The following GPR108 variants were observed in gnomAD, a reference collection of about 807,000 sequenced individuals.
GPR108 encodes the protein G protein-coupled receptor 108, also known as protein GPR108.
Under a neutral mutation model 74.3 loss-of-function variants are expected in GPR108, and 60 were observed. That is an observed-to-expected ratio of 0.81 (90% confidence interval 0.66 to 1.00). The LOEUF (loss-of-function observed/expected upper bound fraction) is 1.00. Ranked by LOEUF, GPR108 falls within the 50% of genes least tolerant of loss-of-function variation. The pLI, the probability that GPR108 is intolerant of heterozygous loss-of-function variation, is 0.00. For synonymous variants in GPR108, 311 were observed against 292.4 expected (o/e 1.06, Z -0.65); for missense variants, 667 against 703.3 (o/e 0.95, Z 0.58).
chr19:6,736,103 A>T, intron 2 of GPR108, 145 bp from the exon 3 acceptor site: 1 of 732,728 alleles, frequency 1.4e-6, no homozygotes, highest in Non-Finnish European at 2.2e-6. Context: ...TCTTTTTTAG[A>T]GTTGGGGTGG....
intron 10 of GPR108, 111 bp downstream of exon 10, chr19:6,732,876 G>C: frequency 2.1e-6 from 2 of 936,332 alleles, no homozygotes; most frequent in Non-Finnish European, 3.3e-6. Context: ...TGGACACGTG[G>C]ATAGCTGGCG....
intron 4 of GPR108, 35 bp from the exon 5 acceptor site, chr19:6,734,342 G>A (rs188406194): frequency 2.5e-6 from 4 of 1,602,952 alleles, no homozygotes; most frequent in African/African-American, 1.3e-5. Flanking sequence ...TGAGGCTGGG[G>A]GGCTGAACTT....
In GPR108 at chr19:6,734,193, C is replaced by T. The variant is rs1216500719; in HGVS notation, c.489G>A (p.Lys163=). Residue 163 remains lysine (K), a synonymous_variant, in exon 5 of 18, where the codon AAG becomes AAA. Coordinates refer to ENST00000264080, the MANE Select transcript of GPR108 (RefSeq NM_001080452.2). ...LPKPQATVPR[K]VDGGGTSAAS... Reference sequence around the variant, plus strand: ...GCCAGCCTGACTCACCGCCATCCACCTTGCGGGGGACTGTGGCCTGTGGCT... The same window carrying T: ...GCCAGCCTGACTCACCGCCATCCACTTTGCGGGGGACTGTGGCCTGTGGCT... The T allele has an allele frequency of 6.2e-7, 1 of 1,614,236 alleles. No individual in the cohort carries two copies. The highest frequency in any genetic ancestry group is 8.5e-7 in the Non-Finnish European group (1 of 1,180,042).
intron 1 of GPR108, 36 bp downstream of exon 1, chr19:6,737,421 G>A (rs1434486062): frequency 6.4e-7 from 1 of 1,570,800 alleles, no homozygotes. Context: ...ACAAAGTTGC[G>A]CCACCGACCC....
chr19:6,731,686 T>A (rs1419748811), intron 14 of GPR108, among the ~76,000 whole-genome samples, 164 bp from the exon 15 acceptor site: 1 of 147,456 alleles, frequency 6.8e-6, no homozygotes, highest in East Asian at 2.0e-4. Context: ...AAGGGGGAGA[T>A]CAGAGAGGAG....
chr19:6,734,704 G>A (rs1420375734), intron 4 of GPR108, among the ~76,000 whole-genome samples: 3 of 152,028 alleles, frequency 2.0e-5, no homozygotes, highest in African/African-American at 4.8e-5. Context: ...ATCATGCTTG[G>A]CTAATTTTTA....
intron 14 of GPR108, among the ~76,000 whole-genome samples, 156 bp downstream of exon 14, chr19:6,731,735 G>C (rs143266929): frequency 7.9e-5 from 12 of 151,834 alleles, no homozygotes; most frequent in Admixed American, 7.2e-4. Context: ...CCAGATAAAG[G>C]CATTCGGGGG....
In GPR108 at chr19:6,735,703, G is replaced by C. The variant is rs1968605697; in HGVS notation, c.293C>G (p.Thr98Ser). Residue 98 changes from threonine to serine, a missense_variant and splice_region_variant, in exon 4 of 18, where the codon ACC (threonine) becomes AGC (serine). Physicochemically the swap from Thr to Ser is moderately conservative, Grantham distance 58. Coordinates refer to ENST00000264080, the MANE Select transcript of GPR108 (RefSeq NM_001080452.2). ...GAGAGGGCAGTCCTGGAAATCCCGG[G>C]TCTGGGGGGTGGGCAGGAGGGAGTG... ...VRSGRVRSYS[T>S]RDFQDCPLQK... The C allele has an allele frequency of 6.2e-7, 1 of 1,613,848 alleles. No individual in the cohort carries two copies. The highest frequency in any genetic ancestry group is 1.1e-5 in the South Asian group (1 of 91,082).
chr19:6,733,519 A>G (rs1380447575), intron 8 of GPR108, 51 bp downstream of exon 8: 1 of 1,551,838 alleles, frequency 6.4e-7, no homozygotes, highest in South Asian at 1.1e-5. Context: ...CTGGGCCCGC[A>G]GTGGCCTGCA....
intron 17 of GPR108, 78 bp downstream of exon 17, chr19:6,730,908 TG>T: frequency 1.6e-4 from 43 of 261,798 alleles, no homozygotes; most frequent in South Asian, 6.0e-4. Flanking sequence ...CCCTCCCCCC[TG>T]CCCACCCTGC....
Position 6,736,712 on chromosome 19 carries a change from C to G in GPR108, c.121-1G>C. 1 of 1,614,100 alleles carries G rather than the reference C, an allele frequency of 6.2e-7. No individual in the cohort carries two copies. Among genetic ancestry groups the G allele is most frequent in the Middle Eastern group, 1.7e-4 (1 of 6,060 alleles). On this transcript the variant is annotated splice_acceptor_variant, in intron 1 of 17. Transcript: ENST00000264080. LOFTEE classifies it high-confidence loss of function. ...GCTGGATGTCCGCTCGCTTCTCCCC[C>G]TGCCGGAGACCAAGGAGGCAGAGGC...
chr19:6,737,085 G>T, intron 1 of GPR108: 1 of 382,378 alleles, frequency 2.6e-6, no homozygotes, highest in Admixed American at 4.2e-5. Context: ...CCCATTAAGT[G>T]CCCAGAGGAC....
intron 1 of GPR108, 167 bp downstream of exon 1, chr19:6,737,290 C>G (rs765953484): frequency 1.1e-6 from 1 of 890,492 alleles, no homozygotes; most frequent in African/African-American, 1.8e-5. Flanking sequence ...TCCGGAGGAC[C>G]GAAGGGGATC....
intron 1 of GPR108, chr19:6,737,158 G>A: frequency 2.3e-6 from 1 of 428,546 alleles, no homozygotes; most frequent in South Asian, 3.0e-5. Flanking sequence ...CCCCAAAAGT[G>A]ATTCCAAGAA....
At position 6,731,952 on chromosome 19, in the gene GPR108, C is replaced by T; in HGVS notation, c.1257-18G>A. ...GGATGGACCTGGGACAAGTGGAGGA[C>T]ACAGGGTACGGTCAGCGCGGACATC... On this transcript the variant is annotated intron_variant, in intron 13 of 17. Transcript: ENST00000264080. The T allele has an allele frequency of 6.2e-7, 1 of 1,613,204 alleles. No homozygotes were observed. Among genetic ancestry groups the T allele is most frequent in the Non-Finnish European group, 8.5e-7 (1 of 1,179,852 alleles).
intron 2 of GPR108, 114 bp downstream of exon 2, chr19:6,736,478 C>A (rs1968639148): frequency 8.2e-6 from 9 of 1,091,556 alleles, no homozygotes; most frequent in African/African-American, 1.6e-5. Context: ...ACGAAACAGG[C>A]TCAGAGAGAT....
In GPR108 at chr19:6,733,242, G is replaced by A. The variant is rs1431683217; in HGVS notation, c.783C>T (p.Phe261=). The change falls in exon 9 of 18, where the codon TTC becomes TTT. Residue 261 remains phenylalanine, a synonymous_variant. Coordinates refer to ENST00000264080, the MANE Select transcript of GPR108 (RefSeq NM_001080452.2). ...GFLSAAEMPL[F]KLYMVMSACF... ...AGGCGGACATGACCATGTAGAGCTT[G>A]AAAAGGGGCATCTCCGCTGCCGACA... 2 of 1,613,982 alleles carry A rather than the reference G, an allele frequency of 1.2e-6. No homozygotes were observed. The highest frequency in any genetic ancestry group is 2.7e-5 in the African/African-American group (2 of 75,064).
chr19:6,735,000 C>T (rs968622307), intron 4 of GPR108, among the ~76,000 whole-genome samples: 1 of 152,010 alleles, frequency 6.6e-6, no homozygotes, highest in African/African-American at 2.4e-5. Flanking sequence ...CTCACCTCAG[C>T]TTCCAGAGTA....
Position 6,732,347 on chromosome 19 carries a change from G to A in GPR108, c.1041C>T (p.Ala347=). The A allele has an allele frequency of 6.2e-7, 1 of 1,613,548 alleles. No homozygotes were observed. Among genetic ancestry groups the A allele is most frequent in the East Asian group, 2.2e-5 (1 of 44,872 alleles). ...LKGALLFITI[A]LIGSGWAFIK... ...TGAAGGCCCAGCCTGAGCCAATCAG[G>A]GCGATGGTGATGAAGAGGAGGGCGC... The change falls in exon 12 of 18, where the codon GCC becomes GCT. Residue 347 remains alanine (A), a synonymous_variant. Coordinates refer to ENST00000264080, the MANE Select transcript of GPR108 (RefSeq NM_001080452.2).
Sources: gnomAD v4.1 joint callset for allele counts (sites outside exome capture counted in the v4.1 genomes callset) on GRCh38, gnomAD v4.1.1 for gene constraint, MANE v1.5 for transcripts, NCBI Gene and HGNC (gene_info 2026-07-23, HGNC 2026-07-21) for gene names.